Variants in XG observed in about 807,000 individuals in gnomAD.
XG encodes the protein glycoprotein Xg.
A neutral mutation model predicts 25.7 loss-of-function variants in XG; 24 were observed. The observed-to-expected ratio is 0.93, with a 90% CI of 0.68 to 1.31. XG has a LOEUF of 1.31. Ranked by LOEUF, XG falls within the 40% of genes most tolerant of loss-of-function variation. XG has a pLI of 0.00. For synonymous variants in XG, 77 were observed against 69.2 expected (o/e 1.11, Z -0.56); for missense variants, 181 against 187.6 (o/e 0.96, Z 0.21).
chrX:2,763,866 A>G (rs2050618784), intron 1 of XG, among the ~76,000 whole-genome samples: 1 of 152,112 alleles, frequency 6.6e-6, no homozygotes, highest in African/African-American at 2.4e-5. Flanking sequence ...GCTTTACTGC[A>G]CAGGGCCGGT....
chrX:2,812,503 C>A (rs2087067580), intron 10 of XG, among the ~76,000 whole-genome samples: 1 of 110,929 alleles, frequency 9.0e-6, no homozygotes, highest in Non-Finnish European at 1.9e-5. Context: ...TCTTTGTGTC[C>A]CCGAAGGAAA....
rs146590192 is a variant in XG, at chrX:2,770,571, C to T, written c.83C>T (p.Ala28Val). 97 of 1,613,774 alleles carry T rather than the reference C, an allele frequency of 6.0e-5. No homozygotes were observed. The African/African-American group carries it at 1.2e-3, about 19-fold the overall frequency. Residue 28 changes from alanine to valine, a missense_variant, in exon 2 of 11, where the codon GCA becomes GTA. Ala to Val is a moderately conservative substitution (Grantham distance 64). Transcript: ENST00000644266. ...HARGQRDFDL[A>V]DALDDPEPTK... ...ATAGGTCAAAGAGACTTTGATTTGGCAGATGCCCTTGATGACCCTGGTAAG... is the reference window on the plus strand; with the variant it reads ...ATAGGTCAAAGAGACTTTGATTTGGTAGATGCCCTTGATGACCCTGGTAAG...
At chrX:2,779,641 T>G (rs2051076427) in intron 3 of XG, among the ~76,000 whole-genome samples, 1 of 152,154 alleles carries the variant, frequency 6.6e-6, no homozygotes, top group Non-Finnish European at 1.5e-5. Flanking sequence ...TATATGTTCC[T>G]GTATATTTTT....
At chrX:2,773,116 G>A (rs1026697342) in intron 2 of XG, among the ~76,000 whole-genome samples, 1 of 150,480 alleles carries the variant, frequency 6.6e-6, no homozygotes, top group African/African-American at 2.4e-5. Context: ...AAAAGGAAGA[G>A]AAGAAAGAAA....
intron 4 of XG, among the ~76,000 whole-genome samples, chrX:2,786,339 C>T (rs1404204384): frequency 1.0e-5 from 1 of 98,270 alleles, no homozygotes; most frequent in East Asian, 3.2e-4. Context: ...ATGATCTTGG[C>T]TCACTGCAAC....
At chrX:2,763,143 A>G (rs930591706) in intron 1 of XG, among the ~76,000 whole-genome samples, 173 of 152,028 alleles carry the variant, frequency 1.1e-3, no homozygotes, top group Non-Finnish European at 2.3e-3. Context: ...CAGCCTCCCA[A>G]GTAGCTGGGA....
intron 9 of XG, among the ~76,000 whole-genome samples, chrX:2,808,734 T>G (rs1342560653): frequency 9.0e-6 from 1 of 111,471 alleles, no homozygotes; most frequent in African/African-American, 3.3e-5. Context: ...TCTTAGAGAT[T>G]TGGGCTGACA....
intron 8 of XG, among the ~76,000 whole-genome samples, chrX:2,807,708 T>C (rs751954484): frequency 1.8e-4 from 20 of 112,603 alleles, no homozygotes; most frequent in African/African-American, 6.4e-4. Flanking sequence ...GTTGCACATG[T>C]GTGTAAATGC....
intron 4 of XG, among the ~76,000 whole-genome samples, chrX:2,785,730 TGCCCAGGCTAGCCCAAATGA>T (rs947204905): frequency 1.8e-5 from 2 of 111,683 alleles, no homozygotes; most frequent in East Asian, 2.8e-4. Flanking sequence ...CCAGTGTTCT[TGCCCAGGCTAGCCCAAATGA>T]GCCCAGGCTA....
At chrX:2,803,506 G>T (rs1322531315) in intron 7 of XG, among the ~76,000 whole-genome samples, 1 of 110,770 alleles carries the variant, frequency 9.0e-6, no homozygotes, top group Non-Finnish European at 1.9e-5. Context: ...AGTCTCCCCA[G>T]GCATTCAGGG....
chrX:2,773,745 A>G lies in XG; in HGVS notation c.104-971A>G, dbSNP rs868321981. The stretch of plus-strand genomic sequence containing the variant: ...AAGGAGAGAAGGAAGGAAGGAGAGA[A>G]GGAAGGAAGGAGCGAAGGAAGGAAG... On this transcript the variant is annotated intron_variant, in intron 2 of 10. Transcript: ENST00000644266. Among the ~76,000 whole-genome samples, 25 of 22,412 alleles carry G rather than the reference A, an allele frequency of 1.1e-3. 1 individual carries two copies. The highest frequency in any genetic ancestry group is 1.7e-3 in the Non-Finnish European group (19 of 11,248). 14.7% of individuals were successfully genotyped at this position (22,412 alleles called of 152,430 possible). A position where few individuals can be genotyped will look rare whatever the true frequency, so the allele number is the denominator to read the frequency against.
At chrX:2,755,367 G>A (rs2050411857) in intron 1 of XG, among the ~76,000 whole-genome samples, 1 of 152,122 alleles carries the variant, frequency 6.6e-6, no homozygotes, top group South Asian at 2.1e-4. Context: ...TGACATTGCC[G>A]TGGTATTTGT....
At chrX:2,803,790 T>A (rs2147088911) in intron 7 of XG, among the ~76,000 whole-genome samples, 1 of 111,818 alleles carries the variant, frequency 8.9e-6, no homozygotes, top group East Asian at 2.8e-4. Context: ...AGGTTCAGAC[T>A]CTTGAGCCAG....
intron 2 of XG, 47 bp from the exon 3 acceptor site, chrX:2,774,669 A>G (rs2259750): frequency 0.22 from 347,536 of 1,611,250 alleles, 37,818 homozygotes; most frequent in East Asian, 0.44. Context: ...CATGCTTCCA[A>G]TGAATCTTCA....
intron 9 of XG, 102 bp from the exon 10 acceptor site, chrX:2,811,234 G>T: frequency 1.7e-6 from 1 of 584,360 alleles, no homozygotes; most frequent in Non-Finnish European, 2.7e-6. Flanking sequence ...TACTTTCAAT[G>T]GCAAAAACCG....
intron 3 of XG, among the ~76,000 whole-genome samples, chrX:2,777,192 A>T (rs1341636676): frequency 6.6e-6 from 1 of 152,248 alleles, no homozygotes; most frequent in East Asian, 1.9e-4. Flanking sequence ...CTGTTTAAAA[A>T]AATAATAATA....
At chrX:2,767,543 T>G (rs747509036) in intron 1 of XG, among the ~76,000 whole-genome samples, 1 of 152,316 alleles carries the variant, frequency 6.6e-6, no homozygotes, top group African/African-American at 2.4e-5. Flanking sequence ...CCCCGTCTTA[T>G]GTTCCCAGTG....
intron 1 of XG, among the ~76,000 whole-genome samples, chrX:2,766,717 A>G (rs1378413368): frequency 6.7e-6 from 1 of 150,142 alleles, no homozygotes; most frequent in Admixed American, 6.6e-5. Context: ...GGCGCCCGCC[A>G]CCACACCCGG....
chrX:2,810,826 G>A (rs1413460818), intron 9 of XG, among the ~76,000 whole-genome samples: 7 of 111,287 alleles, frequency 6.3e-5, no homozygotes, highest in African/African-American at 1.6e-4. Context: ...TGAGGCAGGA[G>A]AATCGCTTGA....
Sources: gnomAD v4.1 joint callset for allele counts (sites outside exome capture counted in the v4.1 genomes callset) on GRCh38, gnomAD v4.1.1 for gene constraint, MANE v1.5 for transcripts, NCBI Gene and HGNC (gene_info 2026-07-23, HGNC 2026-07-21) for gene names.